ANO4: variants seen among roughly 807,000 people sequenced by gnomAD.
ANO4 encodes anoctamin 4, also known as anoctamin-4.
In ANO4, 69 loss-of-function variants were observed where a neutral mutation model predicts 141.9. The observed-to-expected ratio is 0.49, with a 90% CI of 0.40 to 0.59. The LOEUF is 0.59. ANO4 is among the 20% of genes least tolerant of loss of function. The pLI is 0.00. For missense variants in ANO4, 894 were observed against 1,162.2 expected (o/e 0.77, Z 3.36); for synonymous variants, 350 against 394.3 (o/e 0.89, Z 1.33).
At position 100,939,458 on chromosome 12, in the gene ANO4, G is replaced by T; in HGVS notation, c.297+7G>T. 2 of 1,611,362 alleles carry T rather than the reference G, an allele frequency of 1.2e-6. No individual in the cohort carries two copies. The highest frequency in any genetic ancestry group is 1.7e-6 in the Non-Finnish European group (2 of 1,178,288). The stretch of plus-strand genomic sequence containing the variant: ...ATTGGAAGCCGGGGGAGAGGTAAGA[G>T]TATATGATTTCTTACAAATGTAATT... On this transcript the variant is annotated splice_region_variant and intron_variant, in intron 4 of 27. Transcript: ENST00000392977.
At position 100,950,907 on chromosome 12, in the gene ANO4, T is replaced by TG. The variant is rs369671565; in HGVS notation, c.456+8377dup. On this transcript the variant is annotated intron_variant, in intron 5 of 27. Coordinates refer to ENST00000392977, the MANE Select transcript of ANO4 (RefSeq NM_001286615.2). Reference sequence around the variant, plus strand: ...GAGATGCCAGCAAACATGAAATTCATGGGGGTCCTTGACCAAGTGAAGAGA... The same window carrying TG: ...GAGATGCCAGCAAACATGAAATTCATGGGGGGTCCTTGACCAAGTGAAGAGA... Among the ~76,000 whole-genome samples, 395 of 152,328 alleles carry TG rather than the reference T, an allele frequency of 2.6e-3. 1 individual carries two copies. The highest frequency in any genetic ancestry group is 8.8e-3 in the African/African-American group (364 of 41,574).
intron 5 of ANO4, among the ~76,000 whole-genome samples, chr12:100,952,928 T>C (rs190516802): frequency 1.2e-3 from 189 of 152,332 alleles, no homozygotes; most frequent in Non-Finnish European, 2.3e-3. Context: ...ACGTATTTCA[T>C]ATAACTCACG....
At chr12:100,772,925 C>T (rs2033360863) in intron 3 of ANO4, among the ~76,000 whole-genome samples, 1 of 152,200 alleles carries the variant, frequency 6.6e-6, no homozygotes, top group South Asian at 2.1e-4. Flanking sequence ...TTGAAGTCTC[C>T]TGTTTCCTGT....
chr12:101,106,573 G>GTGTGTA (rs1555303963), intron 22 of ANO4, among the ~76,000 whole-genome samples: 22 of 138,610 alleles, frequency 1.6e-4, no homozygotes, highest in African/African-American at 5.4e-4. Context: ...GTGTGTGTGT[G>GTGTGTA]TATATATATA....
At chr12:100,913,638 G>A (rs914812531) in intron 2 of ANO4, among the ~76,000 whole-genome samples, 3 of 152,136 alleles carry the variant, frequency 2.0e-5, no homozygotes, top group Non-Finnish European at 4.4e-5. Context: ...ATATCCACTG[G>A]GGGTCTTGGA....
At chr12:100,845,176 T>G (rs1408099134) in intron 1 of ANO4, among the ~76,000 whole-genome samples, 1 of 151,986 alleles carries the variant, frequency 6.6e-6, no homozygotes, top group Non-Finnish European at 1.5e-5. Flanking sequence ...GAGAAAAGAT[T>G]ACAGGGAGTG....
intron 1 of ANO4, among the ~76,000 whole-genome samples, chr12:100,900,730 A>G (rs1345865220): frequency 6.6e-6 from 1 of 152,174 alleles, no homozygotes; most frequent in Non-Finnish European, 1.5e-5. Flanking sequence ...AAAAAATCCA[A>G]AATAATTTTT....
Position 100,921,694 on chromosome 12 carries a change from G to A in ANO4, c.56-532G>A, listed in dbSNP as rs556473735. Reference sequence around the variant, plus strand: ...GAACAAGAGGCTTAATTACTTCATAGAATAAATTTTCAAATTCGGATACAG... The same window carrying A: ...GAACAAGAGGCTTAATTACTTCATAAAATAAATTTTCAAATTCGGATACAG... On this transcript the variant is annotated intron_variant, in intron 2 of 27. Coordinates refer to ENST00000392977, the MANE Select transcript of ANO4 (RefSeq NM_001286615.2). Among the ~76,000 whole-genome samples the A allele has an allele frequency of 9.5e-4, 144 of 152,188 alleles. 5 individuals are homozygous for A. The South Asian group carries it at 0.029, about 30-fold the overall frequency.
In ANO4 at chr12:100,933,264, C is replaced by A. The variant is rs2042153869; in HGVS notation, c.161-6051C>A. ...AGGTATTTCTCCTAATGATATCCCT[C>A]CCCGAGCCCCCCATCCCACAACAGG... On this transcript the variant is annotated intron_variant, in intron 3 of 27. Transcript: ENST00000392977. Among the ~76,000 whole-genome samples the A allele has an allele frequency of 2.6e-5, 4 of 152,016 alleles. No homozygotes were observed. In the South Asian group the frequency reaches 8.3e-4, roughly 32 times the overall value.
intron 1 of ANO4, among the ~76,000 whole-genome samples, chr12:100,720,262 T>A (rs1291061156): frequency 6.6e-6 from 1 of 152,000 alleles, no homozygotes; most frequent in Admixed American, 6.6e-5. Context: ...TGAGGCTTAA[T>A]AAGGAGCTGA....
intron 14 of ANO4, among the ~76,000 whole-genome samples, chr12:101,050,138 A>C (rs1278664877): frequency 6.6e-6 from 1 of 152,196 alleles, no homozygotes; most frequent in Non-Finnish European, 1.5e-5. Flanking sequence ...ATAGAAGCAA[A>C]GAACTAGTGG....
At chr12:100,758,311 C>A (rs1359479613) in intron 3 of ANO4, among the ~76,000 whole-genome samples, 1 of 152,198 alleles carries the variant, frequency 6.6e-6, no homozygotes, top group Non-Finnish European at 1.5e-5. Context: ...TGCCATGTGA[C>A]TGGTGCCTGG....
At chr12:100,774,556 A>G (rs2033416112) in intron 3 of ANO4, among the ~76,000 whole-genome samples, 1 of 152,248 alleles carries the variant, frequency 6.6e-6, no homozygotes, top group Non-Finnish European at 1.5e-5. Context: ...AAGTAGATGA[A>G]AAGACCTAGA....
chr12:101,008,620 T>C (rs2045961710), intron 8 of ANO4, among the ~76,000 whole-genome samples: 1 of 152,186 alleles, frequency 6.6e-6, no homozygotes, highest in African/African-American at 2.4e-5. Context: ...TTTTCCTTTT[T>C]TGCGCTATTT....
intron 13 of ANO4, among the ~76,000 whole-genome samples, chr12:101,046,218 G>T (rs1239913428): frequency 6.6e-6 from 1 of 152,258 alleles, no homozygotes. Flanking sequence ...CAATGCTGGG[G>T]TTTAAGAGGA....
chr12:100,817,238 G>A lies in ANO4; in HGVS notation c.-141+22211G>A, dbSNP rs138775835. Among the ~76,000 whole-genome samples, 17 of 151,848 alleles carry A rather than the reference G, an allele frequency of 1.1e-4. 1 individual carries two copies. The East Asian group carries it at 3.3e-3, about 29-fold the overall frequency. ...GCTCTGGGGTATACTTGTAAAACTT[G>A]CCTATTTGCTAAGGTCAAAACAGGC... is the stretch of plus-strand genomic sequence containing the variant. On this transcript the variant is annotated intron_variant, in intron 1 of 27. Coordinates refer to ENST00000392977, the MANE Select transcript of ANO4 (RefSeq NM_001286615.2).
chr12:100,886,917 T>G (rs993355720), intron 1 of ANO4, among the ~76,000 whole-genome samples: 2 of 152,202 alleles, frequency 1.3e-5, no homozygotes, highest in Non-Finnish European at 2.9e-5. Flanking sequence ...TCTGCACAAC[T>G]TTTTTCCTGG....
chr12:100,789,540 C>T (rs2033974811), intron 3 of ANO4, among the ~76,000 whole-genome samples: 1 of 152,186 alleles, frequency 6.6e-6, no homozygotes, highest in East Asian at 1.9e-4. Flanking sequence ...TACAGCACCT[C>T]ATTTGTAGCT....
intron 5 of ANO4, among the ~76,000 whole-genome samples, chr12:100,956,393 C>A (rs148641415): frequency 2.2e-3 from 336 of 152,290 alleles, no homozygotes; most frequent in Middle Eastern, 6.8e-3. Flanking sequence ...TTCTAGAAGA[C>A]CAGGAGTAGA....
Sources: allele counts gnomAD v4.1 joint callset (sites outside exome capture counted in the v4.1 genomes callset), GRCh38; gene constraint gnomAD v4.1.1; transcripts MANE v1.5; gene names NCBI Gene and HGNC (gene_info 2026-07-23, HGNC 2026-07-21).